CSNK2A2IP: variants seen among roughly 807,000 people sequenced by gnomAD.
The protein encoded by CSNK2A2IP is casein kinase II subunit alpha'-interacting protein.
At chr3:88,415,607 C>T in the CSNK2A2IP span, among the ~76,000 whole-genome samples, 7 of 148,078 alleles carry the variant, frequency 4.7e-5, no homozygotes, top group Middle Eastern at 3.4e-3. Context: ...GGGGAGGGGG[C>T]GGGAAAGAGA....
the CSNK2A2IP span, among the ~76,000 whole-genome samples, chr3:88,437,208 TCTGA>T: frequency 1.7e-4 from 26 of 152,192 alleles, no homozygotes; most frequent in Non-Finnish European, 3.1e-4. Flanking sequence ...TACAGTAGTG[TCTGA>T]CTAACATAAT....
the CSNK2A2IP span, among the ~76,000 whole-genome samples, chr3:88,365,930 C>T: frequency 6.6e-6 from 1 of 152,042 alleles, no homozygotes; most frequent in Admixed American, 6.6e-5. Context: ...TAATGATGTA[C>T]TCTTTTAAGG....
At chr3:88,432,653 GA>G in the CSNK2A2IP span, among the ~76,000 whole-genome samples, 1 of 151,054 alleles carries the variant, frequency 6.6e-6, no homozygotes, top group Non-Finnish European at 1.5e-5. Flanking sequence ...AAAAACAATT[GA>G]ATACTTTTTT....
the CSNK2A2IP span, among the ~76,000 whole-genome samples, chr3:88,457,913 A>G: frequency 1.3e-5 from 2 of 151,768 alleles, no homozygotes; most frequent in South Asian, 4.1e-4. Context: ...GAAGCCTTTA[A>G]ACTCAAATTC....
the CSNK2A2IP span, among the ~76,000 whole-genome samples, chr3:88,418,437 A>AGT: frequency 0.012 from 1,450 of 121,890 alleles, 10 homozygotes; most frequent in South Asian, 0.034. Flanking sequence ...ACTGAATGTC[A>AGT]GTGTGTGTGT....
At chr3:88,371,712 C>T in the CSNK2A2IP span, among the ~76,000 whole-genome samples, 1 of 149,796 alleles carries the variant, frequency 6.7e-6, no homozygotes, top group East Asian at 2.0e-4. Flanking sequence ...TTCAGTGTGT[C>T]CCAAATTGCA....
chr3:88,389,578 A>T, the CSNK2A2IP span, among the ~76,000 whole-genome samples: 1 of 152,322 alleles, frequency 6.6e-6, no homozygotes, highest in East Asian at 1.9e-4. Context: ...ACATAGTTTT[A>T]AAAAAGACAC....
chr3:88,363,257 G>T, the CSNK2A2IP span, among the ~76,000 whole-genome samples: 1 of 151,968 alleles, frequency 6.6e-6, no homozygotes, highest in African/African-American at 2.4e-5. Flanking sequence ...TTTTCTCTGT[G>T]TATTTCATTT....
At chr3:88,386,639 C>G in the CSNK2A2IP span, among the ~76,000 whole-genome samples, 1 of 152,050 alleles carries the variant, frequency 6.6e-6, no homozygotes, top group Non-Finnish European at 1.5e-5. Context: ...AGAATTGAGG[C>G]AAATTGGTGG....
the CSNK2A2IP span, among the ~76,000 whole-genome samples, chr3:88,371,925 A>C: frequency 6.6e-6 from 1 of 151,658 alleles, no homozygotes; most frequent in East Asian, 1.9e-4. Flanking sequence ...AAAGAACAAC[A>C]ATGACAAAAA....
At chr3:88,347,719 C>A in the CSNK2A2IP span, among the ~76,000 whole-genome samples, 1 of 151,954 alleles carries the variant, frequency 6.6e-6, no homozygotes, top group Non-Finnish European at 1.5e-5. Flanking sequence ...TGGTCAGGAA[C>A]AAAACAGGCA....
At chr3:88,385,780 C>G in the CSNK2A2IP span, among the ~76,000 whole-genome samples, 1 of 151,986 alleles carries the variant, frequency 6.6e-6, no homozygotes, top group Non-Finnish European at 1.5e-5. Context: ...CTATTCCATT[C>G]TAGCAGGAAA....
At chr3:88,382,993 A>G in the CSNK2A2IP span, among the ~76,000 whole-genome samples, 1 of 152,180 alleles carries the variant, frequency 6.6e-6, no homozygotes, top group Non-Finnish European at 1.5e-5. Context: ...CCTACTGGTT[A>G]ACTCTGTGGC....
the CSNK2A2IP span, among the ~76,000 whole-genome samples, chr3:88,352,938 A>G: frequency 6.6e-6 from 1 of 152,186 alleles, no homozygotes; most frequent in African/African-American, 2.4e-5. Context: ...AGACACATGC[A>G]AAGGGCCAAT....
At chr3:88,455,139 C>T in the CSNK2A2IP span, among the ~76,000 whole-genome samples, 1 of 151,844 alleles carries the variant, frequency 6.6e-6, no homozygotes, top group South Asian at 2.1e-4. Context: ...CATTCATCTA[C>T]TGACTGACTC....
At chr3:88,440,156 A>G in the CSNK2A2IP span, among the ~76,000 whole-genome samples, 8 of 152,220 alleles carry the variant, frequency 5.3e-5, no homozygotes, top group Non-Finnish European at 8.8e-5. Context: ...ATACAATGAT[A>G]TTGAACATTT....
the CSNK2A2IP span, among the ~76,000 whole-genome samples, chr3:88,381,487 G>A: frequency 6.6e-6 from 1 of 152,270 alleles, no homozygotes; most frequent in East Asian, 1.9e-4. Flanking sequence ...TACTGTTGGA[G>A]GTAGGTGGTG....
At chr3:88,360,631 GAA>G in the CSNK2A2IP span, among the ~76,000 whole-genome samples, 1 of 152,130 alleles carries the variant, frequency 6.6e-6, no homozygotes. Context: ...TACTCTGAAT[GAA>G]TAAGAAAACT....
chr3:88,409,795 G>T, the CSNK2A2IP span, among the ~76,000 whole-genome samples: 1 of 151,868 alleles, frequency 6.6e-6, no homozygotes, highest in Non-Finnish European at 1.5e-5. Flanking sequence ...CAGTGATATT[G>T]TCTTTAATTT....
Sources: allele counts gnomAD v4.1 joint callset (sites outside exome capture counted in the v4.1 genomes callset), GRCh38; gene constraint gnomAD v4.1.1; transcripts MANE v1.5; gene names NCBI Gene and HGNC (gene_info 2026-07-23, HGNC 2026-07-21).